TENM3: variants seen among roughly 807,000 people sequenced by gnomAD.
TENM3 encodes teneurin transmembrane protein 3.
Under a neutral mutation model 255.1 loss-of-function variants are expected in TENM3, and 63 were observed. That is an observed-to-expected ratio of 0.25 (90% CI 0.20 to 0.30). The LOEUF is 0.30. Ranked by LOEUF, TENM3 falls within the 10% of genes least tolerant of loss-of-function variation. The pLI is 1.00. For synonymous variants in TENM3, 1,306 were observed against 1,322.3 expected (o/e 0.99, Z 0.27); for missense variants, 2,929 against 3,461.1 (o/e 0.85, Z 3.86).
intron 3 of TENM3, among the ~76,000 whole-genome samples, chr4:182,542,443 C>G (rs1204396000): frequency 1.3e-5 from 2 of 152,154 alleles, no homozygotes; most frequent in Non-Finnish European, 2.9e-5. Flanking sequence ...TGAGGGCTAC[C>G]TCTTGGATAC....
the TENM3 span, among the ~76,000 whole-genome samples, chr4:181,707,956 T>C: frequency 6.6e-6 from 1 of 152,278 alleles, no homozygotes; most frequent in Non-Finnish European, 1.5e-5. Flanking sequence ...ACATAATAAT[T>C]CTTAGTCTTT....
chr4:182,374,620 A>G (rs1478138143), intron 3 of TENM3, among the ~76,000 whole-genome samples: 1 of 152,198 alleles, frequency 6.6e-6, no homozygotes, highest in Non-Finnish European at 1.5e-5. Flanking sequence ...CCTACATGAT[A>G]TCTTTCCATT....
At chr4:181,590,174 C>A in the TENM3 span, among the ~76,000 whole-genome samples, 4 of 152,094 alleles carry the variant, frequency 2.6e-5, no homozygotes, top group African/African-American at 9.7e-5. Context: ...GACCAAGAAA[C>A]CATGTACATA....
chr4:182,628,623 C>T, intron 4 of TENM3, 28 bp from the exon 5 acceptor site: 1 of 1,390,520 alleles, frequency 7.2e-7, no homozygotes, highest in African/African-American at 1.4e-5. Flanking sequence ...ATATTTGTAT[C>T]TTATAATGAT....
At chr4:181,687,844 G>T in the TENM3 span, among the ~76,000 whole-genome samples, 1 of 152,136 alleles carries the variant, frequency 6.6e-6, no homozygotes, top group African/African-American at 2.4e-5. Context: ...ACCTCTACAA[G>T]TGCAGACCCT....
the TENM3 span, among the ~76,000 whole-genome samples, chr4:181,653,473 C>A: frequency 6.6e-6 from 1 of 152,042 alleles, no homozygotes; most frequent in African/African-American, 2.4e-5. Flanking sequence ...GCAATGCCGC[C>A]ATCTCGGCTC....
chr4:182,252,688 A>G (rs993645491), intron 1 of TENM3, among the ~76,000 whole-genome samples: 17 of 152,210 alleles, frequency 1.1e-4, no homozygotes, highest in African/African-American at 3.4e-4. Flanking sequence ...AGGCTCTGGG[A>G]TACCTTTGGG....
chr4:181,706,727 C>T, the TENM3 span, among the ~76,000 whole-genome samples: 3 of 152,206 alleles, frequency 2.0e-5, no homozygotes, highest in African/African-American at 4.8e-5. Flanking sequence ...AGTGTCTCTC[C>T]TCTGCTATCT....
At chr4:181,633,639 TGACTAC>T in the TENM3 span, among the ~76,000 whole-genome samples, 8 of 152,166 alleles carry the variant, frequency 5.3e-5, no homozygotes, top group Admixed American at 6.5e-5. Flanking sequence ...CTGAGGGTTA[TGACTAC>T]TTGGAGATAT....
chr4:182,192,986 T>C (rs1753614436), intron 1 of TENM3, among the ~76,000 whole-genome samples: 1 of 152,222 alleles, frequency 6.6e-6, no homozygotes, highest in South Asian at 2.1e-4. Context: ...AACCAGCAAT[T>C]ACTCACCTAA....
At chr4:181,466,749 G>A in the TENM3 span, among the ~76,000 whole-genome samples, 6 of 152,092 alleles carry the variant, frequency 3.9e-5, no homozygotes, top group Middle Eastern at 3.4e-3. Flanking sequence ...TAATATTGAT[G>A]TTTAGGAAAA....
At chr4:182,401,811 T>C (rs1392393165) in intron 3 of TENM3, among the ~76,000 whole-genome samples, 2 of 152,260 alleles carry the variant, frequency 1.3e-5, no homozygotes, top group Non-Finnish European at 2.9e-5. Context: ...ATTTAACATT[T>C]ACACTTTCTA....
At chr4:181,917,626 A>T in the TENM3 span, among the ~76,000 whole-genome samples, 1 of 149,388 alleles carries the variant, frequency 6.7e-6, no homozygotes, top group Non-Finnish European at 1.5e-5. Flanking sequence ...AGCGCTCAGC[A>T]TCTCAGCATA....
At chr4:182,515,285 A>T (rs1169039717) in intron 3 of TENM3, among the ~76,000 whole-genome samples, 1 of 152,192 alleles carries the variant, frequency 6.6e-6, no homozygotes, top group East Asian at 1.9e-4. Flanking sequence ...GAAAAAATCC[A>T]AGTGAAAACT....
intron 3 of TENM3, among the ~76,000 whole-genome samples, chr4:182,378,664 T>G (rs1767349858): frequency 6.6e-6 from 1 of 152,160 alleles, no homozygotes; most frequent in Non-Finnish European, 1.5e-5. Context: ...CGGAGGACAG[T>G]GGCATAACTC....
chr4:181,690,863 TA>T, the TENM3 span, among the ~76,000 whole-genome samples: 48 of 152,324 alleles, frequency 3.2e-4, no homozygotes, highest in African/African-American at 1.0e-3. Flanking sequence ...TGCATCTGAT[TA>T]TTTTTAAGAA....
At position 182,597,750 on chromosome 4, in the gene TENM3, TC is replaced by T. The variant is rs1260272342; in HGVS notation, c.512-3173del. On this transcript the variant is annotated intron_variant, in intron 3 of 27. Transcript: ENST00000511685. ...TGTTACACTTTATATACTGATTCTA[TC>T]TTGAGTAAATTGGTACGGATAAATA... Among the ~76,000 whole-genome samples the T allele has an allele frequency of 2.6e-5, 4 of 152,338 alleles. No homozygotes were observed. The East Asian group carries it at 7.7e-4, about 29-fold the overall frequency.
chr4:182,747,936 A>C (rs1762123229), intron 19 of TENM3, among the ~76,000 whole-genome samples: 1 of 152,220 alleles, frequency 6.6e-6, no homozygotes, highest in Admixed American at 6.5e-5. Flanking sequence ...ATGCTTCTTC[A>C]AATGTCTTGT....
At chr4:182,360,297 A>G (rs1204403231) in intron 3 of TENM3, among the ~76,000 whole-genome samples, 3 of 129,602 alleles carry the variant, frequency 2.3e-5, no homozygotes, top group Non-Finnish European at 3.2e-5. Context: ...TGTCTCGTTG[A>G]TCTGTCTAAT....
Sources: allele counts gnomAD v4.1 joint callset (sites outside exome capture counted in the v4.1 genomes callset), GRCh38; gene constraint gnomAD v4.1.1; transcripts MANE v1.5; gene names NCBI Gene and HGNC (gene_info 2026-07-23, HGNC 2026-07-21).